Variants in MAGI2 observed in about 807,000 individuals in gnomAD.
MAGI2 encodes membrane-associated guanylate kinase, WW and PDZ domain-containing protein 2.
Under a neutral mutation model 133.3 loss-of-function variants are expected in MAGI2, and 35 were observed. The ratio of observed to expected loss-of-function variants is 0.26; its 90% CI spans 0.20 to 0.35. MAGI2 has a LOEUF of 0.35. Among genes scored for constraint, MAGI2 ranks in the 10% least tolerant of loss-of-function variants. The pLI is 1.00. For synonymous variants in MAGI2, 729 were observed against 710.6 expected (o/e 1.03, Z -0.41); for missense variants, 1,636 against 1,863.4 (o/e 0.88, Z 2.25).
At chr7:79,142,603 C>A (rs760920513) in intron 1 of MAGI2, among the ~76,000 whole-genome samples, 2 of 152,100 alleles carry the variant, frequency 1.3e-5, no homozygotes, top group Non-Finnish European at 2.9e-5. Context: ...ATGACAATTA[C>A]ATATTGTAAT....
intron 1 of MAGI2, among the ~76,000 whole-genome samples, chr7:79,253,828 T>G (rs1029835822): frequency 2.0e-5 from 3 of 152,148 alleles, no homozygotes; most frequent in African/African-American, 7.2e-5. Context: ...TTCTACAAAT[T>G]TTAAAAGTTA....
chr7:78,054,164 C>T (rs951153112), intron 21 of MAGI2, among the ~76,000 whole-genome samples: 8 of 152,136 alleles, frequency 5.3e-5, no homozygotes, highest in Admixed American at 2.0e-4. Flanking sequence ...CTCGATCTGT[C>T]GCCCAGGTTG....
At chr7:79,212,207 G>T (rs888269247) in intron 1 of MAGI2, among the ~76,000 whole-genome samples, 2 of 152,010 alleles carry the variant, frequency 1.3e-5, no homozygotes, top group Non-Finnish European at 2.9e-5. Flanking sequence ...TGCATTATTT[G>T]TAGTTGCTAT....
intron 2 of MAGI2, among the ~76,000 whole-genome samples, chr7:78,762,976 A>G (rs113692037): frequency 9.9e-5 from 15 of 152,222 alleles, no homozygotes; most frequent in African/African-American, 9.6e-5. Context: ...GCCTTCTTCA[A>G]TAGAACTTAA....
chr7:78,070,622 G>T (rs1215836398), intron 21 of MAGI2, among the ~76,000 whole-genome samples: 3 of 106,656 alleles, frequency 2.8e-5, no homozygotes, highest in Non-Finnish European at 3.9e-5. Context: ...ATATATGTGT[G>T]TGTGTGTGTA....
intron 1 of MAGI2, among the ~76,000 whole-genome samples, chr7:79,316,789 G>T (rs1838757509): frequency 6.6e-6 from 1 of 151,960 alleles, no homozygotes; most frequent in Non-Finnish European, 1.5e-5. Context: ...ACTCTGCAAA[G>T]TCCTTTATAT....
In MAGI2 at chr7:78,582,044, GA is replaced by G. The variant is rs1802890088; in HGVS notation, c.538+45075del. On this transcript the variant is annotated intron_variant, in intron 3 of 21. Transcript: ENST00000354212. ...CTAGGTTTTATAACTTGCTTTAGCAGAAAAGGGGTAAGGGGATGATGAGAGT... is the reference window on the plus strand; with the variant it reads ...CTAGGTTTTATAACTTGCTTTAGCAGAAAGGGGTAAGGGGATGATGAGAGT... Among the ~76,000 whole-genome samples, 3 of 152,320 alleles carry G rather than the reference GA, an allele frequency of 2.0e-5. No individual in the cohort carries two copies. In the South Asian group the frequency reaches 6.2e-4, roughly 32 times the overall value.
At chr7:78,517,638 A>C (rs10261799) in intron 4 of MAGI2, among the ~76,000 whole-genome samples, 91,687 of 151,924 alleles carry the variant, frequency 0.6, 28,080 homozygotes, top group African/African-American at 0.7. Context: ...CATGTTTCTC[A>C]TTTTTTATTA....
At chr7:79,161,246 A>C (rs1422422229) in intron 1 of MAGI2, among the ~76,000 whole-genome samples, 1 of 152,024 alleles carries the variant, frequency 6.6e-6, no homozygotes, top group African/African-American at 2.4e-5. Context: ...CTCTTTTAGG[A>C]AATGTTAACT....
chr7:79,082,154 T>C (rs944749373), intron 1 of MAGI2, among the ~76,000 whole-genome samples: 2 of 152,116 alleles, frequency 1.3e-5, no homozygotes, highest in African/African-American at 4.8e-5. Context: ...ACATATTTTC[T>C]TCCATCACAT....
intron 15 of MAGI2, among the ~76,000 whole-genome samples, chr7:78,166,380 G>T (rs543192486): frequency 6.6e-6 from 1 of 152,338 alleles, no homozygotes; most frequent in East Asian, 1.9e-4. Context: ...TCTGCGGGGA[G>T]AGAGACAGTT....
At chr7:78,301,147 G>A (rs983103195) in intron 9 of MAGI2, among the ~76,000 whole-genome samples, 2 of 152,102 alleles carry the variant, frequency 1.3e-5, no homozygotes, top group South Asian at 4.1e-4. Context: ...GCTTCCATGG[G>A]TGCTAATTTA....
chr7:78,909,321 C>T (rs553872523), intron 2 of MAGI2, among the ~76,000 whole-genome samples: 2 of 151,134 alleles, frequency 1.3e-5, no homozygotes, highest in Admixed American at 6.6e-5. Flanking sequence ...CGGCTAGGCG[C>T]GGTGGCTCAC....
chr7:78,519,548 A>G (rs1173227571), intron 4 of MAGI2, among the ~76,000 whole-genome samples: 1 of 152,170 alleles, frequency 6.6e-6, no homozygotes, highest in East Asian at 1.9e-4. Flanking sequence ...GCTAGGGTTG[A>G]TCAAGAACAG....
intron 1 of MAGI2, among the ~76,000 whole-genome samples, chr7:79,382,325 G>C (rs553424288): frequency 4.0e-5 from 6 of 151,678 alleles, no homozygotes; most frequent in African/African-American, 1.4e-4. Context: ...TTTATTAACA[G>C]CATATTTTTC....
intron 19 of MAGI2, 44 bp downstream of exon 19, chr7:78,127,153 G>T: frequency 7.0e-7 from 1 of 1,418,554 alleles, no homozygotes; most frequent in Non-Finnish European, 9.5e-7. Context: ...GCAGTTCTCT[G>T]GAAGCCTTGG....
chr7:79,248,219 T>A (rs1408419905), intron 1 of MAGI2, among the ~76,000 whole-genome samples: 1 of 152,162 alleles, frequency 6.6e-6, no homozygotes, highest in African/African-American at 2.4e-5. Context: ...GTATCTATAT[T>A]TATGTCAGAC....
At chr7:78,954,755 T>C (rs1000565794) in intron 2 of MAGI2, among the ~76,000 whole-genome samples, 1 of 152,184 alleles carries the variant, frequency 6.6e-6, no homozygotes, top group Admixed American at 6.6e-5. Context: ...TGCGTGTTAA[T>C]AGATGAGGGA....
Position 78,925,308 on chromosome 7 carries a change from A to T in MAGI2, c.418+81782T>A, listed in dbSNP as rs974524290. On this transcript the variant is annotated intron_variant, in intron 2 of 21. Transcript: ENST00000354212. ...AAGGTAAATGATTTCTGCCTACCAG[A>T]TATTTATCAGCACTGTCTGAAAAGC... 6.6e-5 allele frequency among the ~76,000 whole-genome samples: 10 copies of T among 152,070 alleles called. No homozygotes were observed. The East Asian group carries it at 1.9e-3, about 29-fold the overall frequency.
Sources: allele counts gnomAD v4.1 joint callset (sites outside exome capture counted in the v4.1 genomes callset), GRCh38; gene constraint gnomAD v4.1.1; transcripts MANE v1.5; gene names NCBI Gene and HGNC (gene_info 2026-07-23, HGNC 2026-07-21).